SNX19: variants seen among roughly 807,000 people sequenced by gnomAD.
SNX19 encodes the protein sorting nexin-19.
Under a neutral mutation model 85.2 loss-of-function variants are expected in SNX19, and 60 were observed. The ratio of observed to expected loss-of-function variants is 0.70; its 90% CI spans 0.57 to 0.87. The LOEUF is 0.87. Among genes scored for constraint, SNX19 ranks in the 40% least tolerant of loss-of-function variants. The pLI is 0.00. For missense variants in SNX19, 1,201 were observed against 1,217.8 expected (o/e 0.99, Z 0.21); for synonymous variants, 520 against 470.0 (o/e 1.11, Z -1.38).
In SNX19 at chr11:130,914,624, G is replaced by C. The variant is rs766245646; in HGVS notation, c.1316C>G (p.Ser439Cys). Residue 439 changes from serine to cysteine, a missense_variant, in exon 1 of 11, where the codon TCC becomes TGC. Around this residue, in one of 3 missense-constraint regions of SNX19, gnomAD observed 791 missense variants for 750.9 expected, o/e 1.05. Transcript: ENST00000265909. ...GATCTCTGGGCAGGAATTCAGTGTG[G>C]AGACCGGCAGGCCTGTCTCTGTTTC... Reference protein sequence around the residue: ...GTETETGLPVSTLNSCPEIHI... With the variant: ...GTETETGLPVCTLNSCPEIHI... The C allele has an allele frequency of 6.2e-7, 1 of 1,613,804 alleles. No homozygotes were observed. Among genetic ancestry groups the C allele is most frequent in the Admixed American group, 1.7e-5 (1 of 59,996 alleles).
rs1366183703 is a variant in SNX19 at position 130,875,078 on chromosome 11, C to A, written c.*3344G>T. 6.6e-6 allele frequency among the ~76,000 whole-genome samples: 1 copy of A among 152,246 alleles called. No individual in the cohort carries two copies. The highest frequency in any genetic ancestry group is 1.5e-5 in the Non-Finnish European group (1 of 68,050). On this transcript the variant is annotated 3_prime_UTR_variant, in exon 11 of 11. Coordinates refer to ENST00000265909, the MANE Select transcript of SNX19 (RefSeq NM_014758.3). ...AGTCACACTCCCATGTTCACTGCAG[C>A]ATTGTTTTCAACAATCAAGGCGCGG...
At position 130,875,446 on chromosome 11, in the gene SNX19, T is replaced by G. The variant is rs1943193065; in HGVS notation, c.*2976A>C. The G allele has an allele frequency of 1.3e-5, 2 of 152,216 alleles. No individual in the cohort carries two copies. The highest frequency in any genetic ancestry group is 4.1e-4 in the South Asian group (2 of 4,832). The allele number at this position is 152,216 out of a possible 1,614,324, so 9.4% of individuals were successfully genotyped here. A position where few individuals can be genotyped will look rare whatever the true frequency, so the allele number is the denominator to read the frequency against. On this transcript the variant is annotated 3_prime_UTR_variant, in exon 11 of 11. Transcript: ENST00000265909. Reference sequence around the variant, plus strand: ...GTCTGCTACAAAGCACTGTGCTGCTTCTAGTTAATAATGTACCGTCTCAAA... The same window carrying G: ...GTCTGCTACAAAGCACTGTGCTGCTGCTAGTTAATAATGTACCGTCTCAAA...
In SNX19 at chr11:130,911,619, G is replaced by A; in HGVS notation, c.1813+14C>T. The A allele has an allele frequency of 2.4e-5, 39 of 1,613,926 alleles. No homozygotes were observed. The highest frequency in any genetic ancestry group is 3.3e-5 in the Non-Finnish European group (39 of 1,179,924). On this transcript the variant is annotated intron_variant, in intron 2 of 10. Coordinates refer to ENST00000265909, the MANE Select transcript of SNX19 (RefSeq NM_014758.3). Reference sequence around the variant, plus strand: ...GGAAGCAAGCGGGCAGTAGGGGTTGGGGAAACTCCTGACTTTTGATGAACT... The same window carrying A: ...GGAAGCAAGCGGGCAGTAGGGGTTGAGGAAACTCCTGACTTTTGATGAACT...
rs1942919452 is a variant in SNX19 at position 130,869,384 on chromosome 11, T to G, written c.*9038A>C. The G allele has an allele frequency of 6.6e-6, 1 of 152,260 alleles. No homozygotes were observed. Among genetic ancestry groups the G allele is most frequent in the Admixed American group, 6.5e-5 (1 of 15,288 alleles). The allele number at this position is 152,260 out of a possible 1,614,324, so 9.4% of individuals were successfully genotyped here. ...GATGCCATTAACAGGTTTTTGCTTTTACATGTCATCTTTCCCATTTGAGCA... is the reference window on the plus strand; with the variant it reads ...GATGCCATTAACAGGTTTTTGCTTTGACATGTCATCTTTCCCATTTGAGCA... On this transcript the variant is annotated 3_prime_UTR_variant, in exon 11 of 11. Transcript: ENST00000265909.
In SNX19 at chr11:130,879,706, C is replaced by T. The variant is rs747379345; in HGVS notation, c.2764G>A (p.Val922Ile). ...TTGTTCACCCCAAGAATTTCTACTA[C>T]GAGATCTGAGGAGGAAAAAACAGAT... ...QSLMGVLPDLVVEILGVNKCR... is the reference protein window; with the variant it reads ...QSLMGVLPDLIVEILGVNKCR... The change falls in exon 10 of 11, where the codon GTA becomes ATA. Residue 922 changes from valine (V) to isoleucine (I), a missense_variant. Transcript: ENST00000265909. The T allele has an allele frequency of 4.5e-5, 73 of 1,613,646 alleles. No homozygotes were observed. The highest frequency in any genetic ancestry group is 5.2e-5 in the Non-Finnish European group (61 of 1,179,824).
rs902551896 is a variant in SNX19, at chr11:130,870,425, G to C, written c.*7997C>G. 1.8e-4 allele frequency among the ~76,000 whole-genome samples: 28 copies of C among 152,256 alleles called. No individual in the cohort carries two copies. The highest frequency in any genetic ancestry group is 6.8e-4 in the African/African-American group (28 of 41,466). On this transcript the variant is annotated 3_prime_UTR_variant, in exon 11 of 11. Coordinates refer to ENST00000265909, the MANE Select transcript of SNX19 (RefSeq NM_014758.3). ...CACACCTGAACAGGGGGTAGCCTCT[G>C]ATGAAACATTTGAGTAATGGATTTC...
In SNX19 at chr11:130,867,148, A is replaced by G. The variant is rs929009679; in HGVS notation, c.*11274T>C. On this transcript the variant is annotated 3_prime_UTR_variant, in exon 11 of 11. Coordinates refer to ENST00000265909, the MANE Select transcript of SNX19 (RefSeq NM_014758.3). ...ATAAACTGGGTGAGTGATCCTGGGC[A>G]AAAGACAAGCTCTCTGCATTTCAGT... 1.3e-5 allele frequency: 2 copies of G among 152,234 alleles called. No homozygotes were observed. The highest frequency in any genetic ancestry group is 4.8e-5 in the African/African-American group (2 of 41,456). The allele number at this position is 152,234 out of a possible 1,614,324, so 9.4% of individuals were successfully genotyped here.
Position 130,868,107 on chromosome 11 carries a change from T to C in SNX19, c.*10315A>G, listed in dbSNP as rs1327126276. 1 of 152,210 alleles carries C rather than the reference T, an allele frequency of 6.6e-6. No homozygotes were observed. Among genetic ancestry groups the C allele is most frequent in the Non-Finnish European group, 1.5e-5 (1 of 68,036 alleles). 9.4% of individuals were successfully genotyped at this position (152,210 alleles called of 1,614,324 possible). A position where few individuals can be genotyped will look rare whatever the true frequency, so the allele number is the denominator to read the frequency against. On this transcript the variant is annotated 3_prime_UTR_variant, in exon 11 of 11. Coordinates refer to ENST00000265909, the MANE Select transcript of SNX19 (RefSeq NM_014758.3). Reference sequence around the variant, plus strand: ...TAAACAGACACAATCTGGATGAGTCTCAAAGATAGTAAGAATCACCTGTTT... The same window carrying C: ...TAAACAGACACAATCTGGATGAGTCCCAAAGATAGTAAGAATCACCTGTTT...
At chr11:130,912,423 G>A (rs1565552821) in intron 1 of SNX19, among the ~76,000 whole-genome samples, 1 of 152,158 alleles carries the variant, frequency 6.6e-6, no homozygotes, top group Admixed American at 6.5e-5. Flanking sequence ...TGGAAAAGAC[G>A]ACTTATATCT....
In SNX19 at chr11:130,876,757, C is replaced by T. The variant is rs1441936276; in HGVS notation, c.*1665G>A. 1 of 152,768 alleles carries T rather than the reference C, an allele frequency of 6.5e-6. No individual in the cohort carries two copies. The highest frequency in any genetic ancestry group is 6.5e-5 in the Admixed American group (1 of 15,302). 9.5% of individuals were successfully genotyped at this position (152,768 alleles called of 1,614,324 possible). A position where few individuals can be genotyped will look rare whatever the true frequency, so the allele number is the denominator to read the frequency against. On this transcript the variant is annotated 3_prime_UTR_variant, in exon 11 of 11. Transcript: ENST00000265909. ...ACTCACGGAAAGTAGAGATGCTGAG[C>T]TACCTTTTCTTGTCAAAGTCTAGGG...
Position 130,903,240 on chromosome 11 carries a change from A to G in SNX19, c.2573+15T>C, listed in dbSNP as rs577923753. ...ACTTGAGATTCTGATGTGAGGGAGA[A>G]TTCAGCAGTCTTACCTTTGAACTAG... On this transcript the variant is annotated intron_variant, in intron 8 of 10. Transcript: ENST00000265909. The G allele has an allele frequency of 6.2e-7, 1 of 1,613,426 alleles. No homozygotes were observed. Among genetic ancestry groups the G allele is most frequent in the Non-Finnish European group, 8.5e-7 (1 of 1,179,470 alleles).
intron 8 of SNX19, chr11:130,894,692 C>G (rs1944750608): frequency 2.0e-6 from 2 of 985,304 alleles, no homozygotes; most frequent in Non-Finnish European, 2.4e-6. Context: ...ATAAAAGCAA[C>G]ACACATTCAG....
At chr11:130,911,093 G>T (rs1277162393) in intron 2 of SNX19, among the ~76,000 whole-genome samples, 2 of 151,872 alleles carry the variant, frequency 1.3e-5, no homozygotes, top group African/African-American at 4.8e-5. Context: ...TACTCTGGAG[G>T]CTGAGGCAGG....
chr11:130,896,496 G>A (rs1244513198), intron 8 of SNX19, among the ~76,000 whole-genome samples: 1 of 152,132 alleles, frequency 6.6e-6, no homozygotes, highest in Non-Finnish European at 1.5e-5. Context: ...ATGGGAATAC[G>A]GCAAGGGAAC....
chr11:130,908,386 T>G (rs900251780), intron 4 of SNX19: 2 of 204,878 alleles, frequency 9.8e-6, no homozygotes, highest in Non-Finnish European at 2.0e-5. Context: ...TGGTGATGTA[T>G]TTTTCAATTT....
In SNX19 at chr11:130,874,631, G is replaced by A. The variant is rs1347154867; in HGVS notation, c.*3791C>T. Reference sequence around the variant, plus strand: ...TTCCTCATAATTTAATTCTTGTCCAGAGCATCCTGATTCATATAGCCAGGG... The same window carrying A: ...TTCCTCATAATTTAATTCTTGTCCAAAGCATCCTGATTCATATAGCCAGGG... On this transcript the variant is annotated 3_prime_UTR_variant, in exon 11 of 11. Transcript: ENST00000265909. Among the ~76,000 whole-genome samples, 2 of 152,168 alleles carry A rather than the reference G, an allele frequency of 1.3e-5. No individual in the cohort carries two copies. The highest frequency in any genetic ancestry group is 2.4e-5 in the African/African-American group (1 of 41,432).
intron 4 of SNX19, 83 bp from the exon 5 acceptor site, chr11:130,908,166 T>C (rs897081149): frequency 2.0e-6 from 3 of 1,517,986 alleles, no homozygotes; most frequent in African/African-American, 2.7e-5. Context: ...CACAGCACTT[T>C]ATGCAACAGG....
At chr11:130,878,799 T>G (rs371888895) in intron 10 of SNX19, among the ~76,000 whole-genome samples, 1 of 152,226 alleles carries the variant, frequency 6.6e-6, no homozygotes, top group Non-Finnish European at 1.5e-5. Context: ...CATTTCTCTT[T>G]ACATAGTTAC....
chr11:130,906,014 A>G lies in SNX19; in HGVS notation c.2382T>C (p.Arg794=). 6.2e-7 allele frequency: 1 copy of G among 1,614,156 alleles called. No individual in the cohort carries two copies. The highest frequency in any genetic ancestry group is 8.5e-7 in the Non-Finnish European group (1 of 1,180,032). The change falls in exon 7 of 11, where the codon CGT becomes CGC. Residue 794 remains arginine, a synonymous_variant. Transcript: ENST00000265909. ...EKDPEQPPKG[R]VDSCVSDAAV... ...CTGCATCTGACACGCAACTGTCCACACGTCCTTTGGGAGGTTGTTCAGGAT... is the reference window on the plus strand; with the variant it reads ...CTGCATCTGACACGCAACTGTCCACGCGTCCTTTGGGAGGTTGTTCAGGAT...
Sources: allele counts gnomAD v4.1 joint callset (sites outside exome capture counted in the v4.1 genomes callset), GRCh38; gene constraint gnomAD v4.1.1; regional missense constraint gnomAD v4.1.1; transcripts MANE v1.5; gene names NCBI Gene and HGNC (gene_info 2026-07-23, HGNC 2026-07-21).